TTC28: variants seen among roughly 807,000 people sequenced by gnomAD.
TTC28 encodes the protein tetratricopeptide repeat protein 28.
TTC28 carries 61 observed loss-of-function variants against 198.0 expected under a neutral mutation model. The observed-to-expected ratio is 0.31, with a 90% CI of 0.25 to 0.38. TTC28 has a LOEUF of 0.38. Among genes scored for constraint, TTC28 ranks in the 10% least tolerant of loss-of-function variants. TTC28 has a pLI of 1.00. For synonymous variants in TTC28, 1,171 were observed against 1,297.8 expected (o/e 0.90, Z 2.10); for missense variants, 2,678 against 3,164.0 (o/e 0.85, Z 3.69).
At chr22:28,042,178 C>G (rs1170399346) in intron 12 of TTC28, among the ~76,000 whole-genome samples, 1 of 152,082 alleles carries the variant, frequency 6.6e-6, no homozygotes, top group Non-Finnish European at 1.5e-5. Flanking sequence ...GTGGCGATTC[C>G]TCAAGGATCT....
intron 5 of TTC28, among the ~76,000 whole-genome samples, chr22:28,198,578 T>C (rs1181795308): frequency 1.3e-5 from 2 of 152,150 alleles, no homozygotes; most frequent in East Asian, 1.9e-4. Context: ...TCAGTTAAGA[T>C]AGTGCTAGCT....
chr22:28,630,311 A>AGGTCT (rs2051152673), intron 1 of TTC28, among the ~76,000 whole-genome samples: 2 of 151,950 alleles, frequency 1.3e-5, no homozygotes, highest in Non-Finnish European at 2.9e-5. Context: ...TTTTCAGATG[A>AGGTCT]GGTCTCACTC....
In TTC28 at chr22:28,530,378, T is replaced by C. The variant is rs536154585; in HGVS notation, c.381+99174A>G. Among the ~76,000 whole-genome samples, 17 of 152,152 alleles carry C rather than the reference T, an allele frequency of 1.1e-4. 1 individual carries two copies. The highest frequency in any genetic ancestry group is 3.9e-4 in the African/African-American group (16 of 41,518). ...TTAGAGAAAAAAGAGTGAAAAGAAATGAACAGAGCCTCCAAGAAATATGGG... is the reference window on the plus strand; with the variant it reads ...TTAGAGAAAAAAGAGTGAAAAGAAACGAACAGAGCCTCCAAGAAATATGGG... On this transcript the variant is annotated intron_variant, in intron 2 of 22. Transcript: ENST00000397906.
intron 2 of TTC28, among the ~76,000 whole-genome samples, chr22:28,558,966 C>T (rs914206819): frequency 2.0e-5 from 3 of 151,250 alleles, no homozygotes; most frequent in African/African-American, 7.3e-5. Context: ...ACCCGGGAGG[C>T]GGGGATTGCA....
chr22:28,431,557 C>T (rs2047429940), intron 2 of TTC28, among the ~76,000 whole-genome samples: 1 of 152,188 alleles, frequency 6.6e-6, no homozygotes, highest in African/African-American at 2.4e-5. Context: ...AATCTGTTAA[C>T]TTAAGATCCC....
At chr22:28,156,369 C>T (rs1176111320) in intron 6 of TTC28, among the ~76,000 whole-genome samples, 1 of 152,076 alleles carries the variant, frequency 6.6e-6, no homozygotes, top group Non-Finnish European at 1.5e-5. Flanking sequence ...CTGACAGGGG[C>T]AAAGAAATAT....
At chr22:28,574,357 G>GTA (rs1246318596) in intron 2 of TTC28, among the ~76,000 whole-genome samples, 3 of 151,172 alleles carry the variant, frequency 2.0e-5, no homozygotes, top group Admixed American at 6.6e-5. Context: ...CACTGTTTGT[G>GTA]TGTGTGTGTG....
chr22:28,430,194 G>T (rs1194663227), intron 2 of TTC28, among the ~76,000 whole-genome samples: 1 of 151,882 alleles, frequency 6.6e-6, no homozygotes, highest in Non-Finnish European at 1.5e-5. Flanking sequence ...AGATTCACAC[G>T]CTATGAGTAG....
intron 2 of TTC28, among the ~76,000 whole-genome samples, chr22:28,518,867 T>A (rs2048843768): frequency 6.6e-6 from 1 of 152,170 alleles, no homozygotes. Flanking sequence ...GGACTAAAAA[T>A]TTTAAATGAT....
rs1440959547 is a variant in TTC28, at chr22:28,629,692, A to G, written c.241T>C (p.Tyr81His). 1 of 1,551,702 alleles carries G rather than the reference A, an allele frequency of 6.4e-7. No individual in the cohort carries two copies. The highest frequency in any genetic ancestry group is 1.2e-5 in the South Asian group (1 of 84,066). ...DGDFHTAIVL[Y>H]NEALAVDPQN... ...GGGTCAACAGCCAGGGCTTCATTAT[A>G]CAGAACAATAGCTGTGTGGAAATCT... is the stretch of plus-strand genomic sequence containing the variant. The change falls in exon 2 of 23, where the codon TAT becomes CAT. Residue 81 changes from tyrosine to histidine, a missense_variant. Coordinates refer to ENST00000397906, the MANE Select transcript of TTC28 (RefSeq NM_001145418.2).
At chr22:28,320,419 A>G (rs1027931752) in intron 2 of TTC28, among the ~76,000 whole-genome samples, 2 of 152,200 alleles carry the variant, frequency 1.3e-5, no homozygotes, top group Non-Finnish European at 2.9e-5. Flanking sequence ...ACTCCAAGTG[A>G]TGCTATACAC....
intron 2 of TTC28, among the ~76,000 whole-genome samples, chr22:28,572,640 G>A (rs1212823885): frequency 6.6e-6 from 1 of 152,056 alleles, no homozygotes; most frequent in Non-Finnish European, 1.5e-5. Context: ...TAGCTAGATG[G>A]CAAAACTATA....
At chr22:28,537,334 AAAAT>A (rs2049313896) in intron 2 of TTC28, among the ~76,000 whole-genome samples, 1 of 148,988 alleles carries the variant, frequency 6.7e-6, no homozygotes, top group African/African-American at 2.5e-5. Flanking sequence ...AAAATAAAAT[AAAAT>A]AAAAACAAGA....
intron 2 of TTC28, among the ~76,000 whole-genome samples, chr22:28,529,771 C>T (rs1174047989): frequency 2.0e-5 from 3 of 152,180 alleles, no homozygotes; most frequent in Admixed American, 1.3e-4. Context: ...GCAGCCTCTC[C>T]TGGTGACACT....
chr22:28,574,538 C>T (rs938780078), intron 2 of TTC28, among the ~76,000 whole-genome samples: 1 of 152,146 alleles, frequency 6.6e-6, no homozygotes, highest in African/African-American at 2.4e-5. Context: ...TGGGTGTATA[C>T]CTAGCAATGG....
intron 2 of TTC28, among the ~76,000 whole-genome samples, chr22:28,585,127 G>A (rs1426106721): frequency 6.6e-6 from 1 of 152,150 alleles, no homozygotes; most frequent in Non-Finnish European, 1.5e-5. Flanking sequence ...TGGCACCAGA[G>A]ACTAGTTTTG....
At chr22:28,254,986 G>A (rs1452953108) in intron 5 of TTC28, among the ~76,000 whole-genome samples, 1 of 152,146 alleles carries the variant, frequency 6.6e-6, no homozygotes, top group Non-Finnish European at 1.5e-5. Flanking sequence ...CCTATGTGAT[G>A]CATAGATATG....
At chr22:28,320,932 C>T (rs1412438919) in intron 2 of TTC28, among the ~76,000 whole-genome samples, 1 of 152,160 alleles carries the variant, frequency 6.6e-6, no homozygotes, top group Non-Finnish European at 1.5e-5. Flanking sequence ...TATTTACTCC[C>T]AGCTGATCAG....
chr22:28,187,325 T>C (rs2147117811), intron 5 of TTC28, among the ~76,000 whole-genome samples: 1 of 152,342 alleles, frequency 6.6e-6, no homozygotes, highest in East Asian at 1.9e-4. Context: ...AATGTTAAAG[T>C]ATGATAATTT....
Sources: gnomAD v4.1 joint callset for allele counts (sites outside exome capture counted in the v4.1 genomes callset) on GRCh38, gnomAD v4.1.1 for gene constraint, MANE v1.5 for transcripts, NCBI Gene and HGNC (gene_info 2026-07-23, HGNC 2026-07-21) for gene names.